FBLN2: variants seen among roughly 807,000 people sequenced by gnomAD.
FBLN2 encodes fibulin-2.
A neutral mutation model predicts 123.7 loss-of-function variants in FBLN2; 81 were observed. The observed-to-expected ratio is 0.65, with a 90% CI of 0.55 to 0.79. The LOEUF is 0.79. Ranked by LOEUF, FBLN2 falls within the 30% of genes least tolerant of loss-of-function variation. The pLI, the probability that FBLN2 is intolerant of heterozygous loss-of-function variation, is 0.00. For synonymous variants in FBLN2, 699 were observed against 701.4 expected (o/e 1.00, Z 0.05); for missense variants, 1,603 against 1,681.3 (o/e 0.95, Z 0.81).
chr3:13,591,295 A>G lies in FBLN2; in HGVS notation c.1307-16767A>G, dbSNP rs1462726240. Among the ~76,000 whole-genome samples the G allele has an allele frequency of 1.3e-5, 2 of 152,272 alleles. 1 individual carries two copies. Among genetic ancestry groups the G allele is most frequent in the East Asian group, 3.8e-4 (2 of 5,206 alleles). Reference sequence around the variant, plus strand: ...TTATGAGTCTCTTGTTGGATTCCACATAGGTGATCTCATTCTATGACTTGC... The same window carrying G: ...TTATGAGTCTCTTGTTGGATTCCACGTAGGTGATCTCATTCTATGACTTGC... On this transcript the variant is annotated intron_variant, in intron 2 of 17. Transcript: ENST00000404922.
chr3:13,572,535 C>A (rs371001517), intron 2 of FBLN2, among the ~76,000 whole-genome samples: 2 of 152,272 alleles, frequency 1.3e-5, no homozygotes, highest in Admixed American at 6.5e-5. Flanking sequence ...TCAATACACT[C>A]CATCGGGCAC....
chr3:13,596,434 C>T (rs1406609685), intron 2 of FBLN2, among the ~76,000 whole-genome samples: 1 of 152,238 alleles, frequency 6.6e-6, no homozygotes, highest in African/African-American at 2.4e-5. Flanking sequence ...AATGCAGGTG[C>T]ATCAGAATCT....
chr3:13,561,217 G>T (rs1459757031), intron 1 of FBLN2, among the ~76,000 whole-genome samples: 1 of 152,136 alleles, frequency 6.6e-6, no homozygotes, highest in African/African-American at 2.4e-5. Flanking sequence ...TTTATGACTG[G>T]AATCTGTCCC....
chr3:13,570,606 C>T lies in FBLN2; in HGVS notation c.251C>T (p.Pro84Leu), dbSNP rs1208874689. The change falls in exon 2 of 18, where the codon CCC becomes CTC. Residue 84 changes from proline to leucine, a missense_variant. Pro to Leu is a moderately conservative substitution (Grantham distance 98, BLOSUM62 -3). Transcript: ENST00000404922. Reference protein sequence around the residue: ...LQGGFVRGRVPAGQSYFVDFG... With the variant: ...LQGGFVRGRVLAGQSYFVDFG... ...GGTGGCTTCGTGCGCGGCCGCGTGC[C>T]CGCCGGTCAGTCCTATTTTGTGGAC... 1.4e-5 allele frequency: 22 copies of T among 1,577,984 alleles called. No homozygotes were observed. Among genetic ancestry groups the T allele is most frequent in the Non-Finnish European group, 1.9e-5 (22 of 1,163,140 alleles).
intron 9 of FBLN2, among the ~76,000 whole-genome samples, chr3:13,623,893 C>T (rs1705938119): frequency 6.6e-6 from 1 of 152,238 alleles, no homozygotes; most frequent in Non-Finnish European, 1.5e-5. Flanking sequence ...ACCAATGTTT[C>T]ACTGAGGCAA....
In FBLN2 at chr3:13,599,866, A is replaced by C. The variant is rs1704966072; in HGVS notation, c.1307-8196A>C. On this transcript the variant is annotated intron_variant, in intron 2 of 17. Coordinates refer to ENST00000404922, the MANE Select transcript of FBLN2 (RefSeq NM_001004019.2). ...GGTGGTTTCTTGGCCAGCTGTGGGC[A>C]TGTGCATGTGACATGGGGGGCGGGG... is the stretch of plus-strand genomic sequence containing the variant. 4.0e-5 allele frequency among the ~76,000 whole-genome samples: 6 copies of C among 148,222 alleles called. No individual in the cohort carries two copies. The South Asian group carries it at 1.4e-3, about 33-fold the overall frequency.
Position 13,571,276 on chromosome 3 carries a change from G to GCCCACTACAGCCCCAGCTGGA in FBLN2, c.926_946dup (p.Thr309_Pro315dup). 1 of 1,571,034 alleles carries GCCCACTACAGCCCCAGCTGGA rather than the reference G, an allele frequency of 6.4e-7. No individual in the cohort carries two copies. Among genetic ancestry groups the GCCCACTACAGCCCCAGCTGGA allele is most frequent in the Non-Finnish European group, 8.6e-7 (1 of 1,158,868 alleles). On this transcript the variant is annotated inframe_insertion, in exon 2 of 18. Coordinates refer to ENST00000404922, the MANE Select transcript of FBLN2 (RefSeq NM_001004019.2). ...GTGGCCACAGGGGGCTGGATGGGCT[G>GCCCACTACAGCCCCAGCTGGA]CCCACTACAGCCCCAGCTGGACCCA...
chr3:13,606,819 T>C (rs1705219807), intron 2 of FBLN2, among the ~76,000 whole-genome samples: 1 of 149,006 alleles, frequency 6.7e-6, no homozygotes. Context: ...GCCTGGCTGA[T>C]TTTTTGTATT....
intron 1 of FBLN2, among the ~76,000 whole-genome samples, chr3:13,562,647 C>T (rs1703645235): frequency 6.6e-6 from 1 of 152,148 alleles, no homozygotes; most frequent in Non-Finnish European, 1.5e-5. Flanking sequence ...CGCCCGGCTG[C>T]GATTTACCAT....
rs112843566 is a variant in FBLN2 at position 13,629,291 on chromosome 3, C to T, written c.2841C>T (p.Ile947=). 2.3e-3 allele frequency: 3,623 copies of T among 1,606,408 alleles called. 8 individuals carry two copies. The highest frequency in any genetic ancestry group is 2.7e-3 in the Non-Finnish European group (3,167 of 1,177,402). Residue 947 remains isoleucine (I), a splice_region_variant and synonymous_variant, in exon 13 of 18, where the codon ATC becomes ATT. Transcript: ENST00000404922. ...FQRDAFGRGC[I]DVNECWASPG... is the part of the protein sequence containing the mutation. The stretch of plus-strand genomic sequence containing the variant: ...GGGATGCCTTTGGCCGGGGCTGCAT[C>T]GGTAGGTAGGCTGGTGGCCAGGACC...
intron 1 of FBLN2, chr3:13,568,908 C>G (rs532645369): frequency 1.0e-6 from 1 of 985,802 alleles, no homozygotes; most frequent in African/African-American, 1.7e-5. Context: ...CCTAGAGGGG[C>G]TGGGTGCAGA....
Position 13,549,987 on chromosome 3 carries a change from C to CA in FBLN2, c.-42+780dup, listed in dbSNP as rs1703278872. Among the ~76,000 whole-genome samples, 3 of 152,254 alleles carry CA rather than the reference C, an allele frequency of 2.0e-5. No homozygotes were observed. The South Asian group carries it at 6.2e-4, about 31-fold the overall frequency. ...CTGACACGCACACACGTCCGCCACA[C>CA]AGGGGTAGCTATCACATGCATATCT... is the stretch of plus-strand genomic sequence containing the variant. On this transcript the variant is annotated intron_variant, in intron 1 of 17. Coordinates refer to ENST00000404922, the MANE Select transcript of FBLN2 (RefSeq NM_001004019.2).
rs1194163855 is a variant in FBLN2, at chr3:13,618,884, C to T, written c.1940-20C>T. On this transcript the variant is annotated intron_variant, in intron 6 of 17. Coordinates refer to ENST00000404922, the MANE Select transcript of FBLN2 (RefSeq NM_001004019.2). ...ACCTGAGACCTCCCTGCAACCCCCA[C>T]TCTGCTCTACCCATGACAGAGGGTC... 6.3e-7 allele frequency: 1 copy of T among 1,598,256 alleles called. No homozygotes were observed. Among genetic ancestry groups the T allele is most frequent in the Non-Finnish European group, 8.5e-7 (1 of 1,170,252 alleles).
At chr3:13,603,964 G>T (rs1241629885) in intron 2 of FBLN2, among the ~76,000 whole-genome samples, 1 of 152,174 alleles carries the variant, frequency 6.6e-6, no homozygotes, top group African/African-American at 2.4e-5. Flanking sequence ...TTGTGGTTTT[G>T]ATTTGCATTT....
intron 6 of FBLN2, 21 bp downstream of exon 6, chr3:13,618,306 G>A: frequency 6.2e-7 from 1 of 1,612,516 alleles, no homozygotes; most frequent in Non-Finnish European, 8.5e-7. Flanking sequence ...TGATGGCCAG[G>A]GCAGGGGCTA....
In FBLN2 at chr3:13,606,220, GTTC is replaced by G. The variant is rs539536429; in HGVS notation, c.1307-1839_1307-1837del. Among the ~76,000 whole-genome samples the G allele has an allele frequency of 8.5e-5, 13 of 152,286 alleles. No individual in the cohort carries two copies. In the East Asian group the frequency reaches 2.3e-3, roughly 27 times the overall value. On this transcript the variant is annotated intron_variant, in intron 2 of 17. Coordinates refer to ENST00000404922, the MANE Select transcript of FBLN2 (RefSeq NM_001004019.2). ...GGCCTAAGGAGTATTTTACTTTGGAGTTCTTTTTTCTCTTGTTAATTTTCAGGA... is the reference window on the plus strand; with the variant it reads ...GGCCTAAGGAGTATTTTACTTTGGAGTTTTTTCTCTTGTTAATTTTCAGGA...
intron 16 of FBLN2, among the ~76,000 whole-genome samples, chr3:13,633,444 C>T (rs181922834): frequency 2.0e-5 from 3 of 152,392 alleles, no homozygotes; most frequent in African/African-American, 7.2e-5. Flanking sequence ...GCTCTCCAGA[C>T]CTTCCTTCTG....
intron 2 of FBLN2, among the ~76,000 whole-genome samples, chr3:13,575,325 C>T (rs1574954020): frequency 1.3e-5 from 2 of 152,088 alleles, no homozygotes; most frequent in East Asian, 1.9e-4. Context: ...AGTTGGGGTG[C>T]GGCTGTGGAT....
At chr3:13,591,264 T>G (rs1383592679) in intron 2 of FBLN2, among the ~76,000 whole-genome samples, 1 of 152,268 alleles carries the variant, frequency 6.6e-6, no homozygotes, top group Non-Finnish European at 1.5e-5. Flanking sequence ...TAAAAATATG[T>G]TCTGGTTATG....
Sources: allele counts gnomAD v4.1 joint callset (sites outside exome capture counted in the v4.1 genomes callset), GRCh38; gene constraint gnomAD v4.1.1; transcripts MANE v1.5; gene names NCBI Gene and HGNC (gene_info 2026-07-23, HGNC 2026-07-21).